The following DDX1 variants were observed in gnomAD, a reference collection of about 807,000 sequenced individuals.
DDX1 encodes the protein DEAD-box helicase 1.
In DDX1, 28 loss-of-function variants were observed where a neutral mutation model predicts 108.7. The observed-to-expected ratio is 0.26, with a 90% CI of 0.19 to 0.35. The LOEUF (loss-of-function observed/expected upper bound fraction) is 0.35, where lower values mean the gene tolerates loss of function less well. Ranked by LOEUF, DDX1 falls within the 10% of genes least tolerant of loss-of-function variation. The pLI is 1.00. For synonymous variants in DDX1, 295 were observed against 288.9 expected, an observed-to-expected ratio of 1.02 and a Z score of -0.21; for missense variants, 710 against 884.5, an observed-to-expected ratio of 0.80 and a Z score of 2.50.
chr2:15,625,816 A>G (rs563894553), intron 19 of DDX1, among the ~76,000 whole-genome samples: 2 of 152,272 alleles, frequency 1.3e-5, no homozygotes, highest in East Asian at 3.9e-4. Flanking sequence ...AAACTCAAGA[A>G]GGATATAGAA....
At chr2:15,603,940 A>G in intron 9 of DDX1, 50 bp downstream of exon 9, 1 of 1,196,964 alleles carries the variant, frequency 8.4e-7, no homozygotes, top group Non-Finnish European at 1.2e-6. Flanking sequence ...GTTTTCTTGC[A>G]TACTTAATCA....
At chr2:15,594,882 G>A (rs866099285) in intron 1 of DDX1, among the ~76,000 whole-genome samples, 3 of 152,144 alleles carry the variant, frequency 2.0e-5, no homozygotes, top group African/African-American at 4.8e-5. Context: ...GCCCTGCAAG[G>A]TAGGCAATAT....
At chr2:15,612,487 A>T (rs1288763471) in intron 13 of DDX1, among the ~76,000 whole-genome samples, 11 of 136,680 alleles carry the variant, frequency 8.0e-5, no homozygotes, top group Admixed American at 2.2e-4. Flanking sequence ...CCTAGATGGG[A>T]TGGCGGCCGG....
intron 19 of DDX1, among the ~76,000 whole-genome samples, chr2:15,624,458 C>G (rs1269072903): frequency 6.6e-6 from 1 of 152,266 alleles, no homozygotes; most frequent in Non-Finnish European, 1.5e-5. Flanking sequence ...ACTCACAGTT[C>G]TTCAGAGCTG....
intron 5 of DDX1, among the ~76,000 whole-genome samples, 175 bp from the exon 6 acceptor site, chr2:15,599,494 G>A (rs1345079167): frequency 6.6e-6 from 1 of 150,900 alleles, no homozygotes; most frequent in Non-Finnish European, 1.5e-5. Flanking sequence ...TTTTTTTTTA[G>A]TAGAGATGAG....
At position 15,623,483 on chromosome 2, in the gene DDX1, C is replaced by T. The variant is rs780158807; in HGVS notation, c.1495C>T (p.Arg499Trp). ...AATCCTGAAAGGGGAGTATGCTGTC[C>T]GGGCAATCAAGGAACATAAGATGGA... is the stretch of plus-strand genomic sequence containing the variant. ...IKILKGEYAV[R>W]AIKEHKMDQA... The change falls in exon 19 of 26, where the codon CGG (arginine) becomes TGG (tryptophan). Residue 499 changes from arginine (R) to tryptophan (W), a missense_variant. Transcript: ENST00000233084. 10 of 1,613,330 alleles carry T rather than the reference C, an allele frequency of 6.2e-6. No homozygotes were observed. Among genetic ancestry groups the T allele is most frequent in the Middle Eastern group, 1.7e-4 (1 of 6,056 alleles).
chr2:15,618,244 G>A lies in DDX1; in HGVS notation c.1180G>A (p.Val394Ile). ...INRMHNQIPQ[V>I]TSDGKRLQVI... Reference sequence around the variant, plus strand: ...TAGGATGCACAATCAGATTCCTCAGGTTACCTCTGATGGAAAAAGACTTCA... The same window carrying A: ...TAGGATGCACAATCAGATTCCTCAGATTACCTCTGATGGAAAAAGACTTCA... The change falls in exon 16 of 26, where the codon GTT (valine) becomes ATT (isoleucine). Residue 394 changes from valine to isoleucine, a missense_variant. By Grantham distance (29) the Val-to-Ile change is conservative. Coordinates refer to ENST00000233084, the MANE Select transcript of DDX1 (RefSeq NM_004939.3). 6.3e-7 allele frequency: 1 copy of A among 1,585,508 alleles called. No homozygotes were observed. The highest frequency in any genetic ancestry group is 8.6e-7 in the Non-Finnish European group (1 of 1,158,934).
chr2:15,613,158 A>G, intron 13 of DDX1, 66 bp from the exon 14 acceptor site: 1 of 1,112,180 alleles, frequency 9.0e-7, no homozygotes, highest in Non-Finnish European at 1.3e-6. Context: ...ATGGATGCAG[A>G]TCAAACAATG....
chr2:15,624,241 A>G (rs935164329), intron 19 of DDX1, among the ~76,000 whole-genome samples: 2 of 152,210 alleles, frequency 1.3e-5, no homozygotes, highest in Non-Finnish European at 2.9e-5. Flanking sequence ...AGCTATATTA[A>G]TAAGAGTTGC....
chr2:15,601,643 T>A (rs995209775), intron 6 of DDX1, among the ~76,000 whole-genome samples: 7 of 152,216 alleles, frequency 4.6e-5, no homozygotes, highest in Non-Finnish European at 1.0e-4. Context: ...GGAACCGTCA[T>A]GTGTTCAGCT....
At chr2:15,614,867 C>T (rs538025767) in intron 14 of DDX1, among the ~76,000 whole-genome samples, 1 of 152,192 alleles carries the variant, frequency 6.6e-6, no homozygotes, top group African/African-American at 2.4e-5. Flanking sequence ...AATCTTGCTT[C>T]CTCAAACCCA....
At chr2:15,611,419 G>C (rs1254910192) in intron 13 of DDX1, among the ~76,000 whole-genome samples, 1 of 149,848 alleles carries the variant, frequency 6.7e-6, no homozygotes, top group East Asian at 2.0e-4. Context: ...CAGACGGGGT[G>C]GTGGCCGGGC....
intron 17 of DDX1, 114 bp downstream of exon 17, chr2:15,620,510 C>A: frequency 1.3e-6 from 1 of 747,760 alleles, no homozygotes; most frequent in Non-Finnish European, 2.1e-6. Context: ...AAGAAAAGTC[C>A]AATACATCGT....
chr2:15,615,057 G>A (rs1665870911), intron 14 of DDX1, among the ~76,000 whole-genome samples: 1 of 152,136 alleles, frequency 6.6e-6, no homozygotes, highest in Non-Finnish European at 1.5e-5. Flanking sequence ...CTACTTCTTA[G>A]GGGATCTAAT....
intron 13 of DDX1, among the ~76,000 whole-genome samples, chr2:15,612,115 G>A (rs1299259281): frequency 1.4e-5 from 2 of 145,644 alleles, no homozygotes; most frequent in African/African-American, 2.6e-5. Context: ...CCTCCCGGAC[G>A]GGGCGGCTGG....
Position 15,601,378 on chromosome 2 carries a change from A to G in DDX1, c.308-1170A>G, listed in dbSNP as rs146641176. Among the ~76,000 whole-genome samples the G allele has an allele frequency of 6.0e-3, 921 of 152,306 alleles. 5 individuals carry two copies. Among genetic ancestry groups the G allele is most frequent in the Non-Finnish European group, 1.0e-2 (677 of 68,020 alleles). ...TCATATCCCACAGGTTGAGGGTTCA[A>G]TCACACAAGACTGTCCCCCACATCT... On this transcript the variant is annotated intron_variant, in intron 6 of 25. Transcript: ENST00000233084.
intron 7 of DDX1, among the ~76,000 whole-genome samples, 195 bp from the exon 8 acceptor site, chr2:15,602,997 C>T (rs926774755): frequency 5.3e-5 from 8 of 152,188 alleles, no homozygotes; most frequent in Non-Finnish European, 8.8e-5. Context: ...AGGCGTGAGC[C>T]ACTATGCCTG....
intron 19 of DDX1, among the ~76,000 whole-genome samples, chr2:15,625,190 G>T (rs908478680): frequency 1.3e-5 from 2 of 151,888 alleles, no homozygotes; most frequent in African/African-American, 2.4e-5. Context: ...TATGCCAAAT[G>T]AAAGAATTCT....
In DDX1 at chr2:15,611,473, T is replaced by C. The variant is rs868570402; in HGVS notation, c.957-1751T>C. The stretch of plus-strand genomic sequence containing the variant: ...CCAGTAGGGACGGCCGGGCAGAGGC[T>C]CCCCCCACCTCCCGGACGGGGCGGC... On this transcript the variant is annotated intron_variant, in intron 13 of 25. Coordinates refer to ENST00000233084, the MANE Select transcript of DDX1 (RefSeq NM_004939.3). Among the ~76,000 whole-genome samples, 154 of 125,528 alleles carry C rather than the reference T, an allele frequency of 1.2e-3. 1 individual carries two copies. Among genetic ancestry groups the C allele is most frequent in the African/African-American group, 4.6e-3 (146 of 31,452 alleles). 82.4% of individuals were successfully genotyped at this position (125,528 alleles called of 152,430 possible). A position where few individuals can be genotyped will look rare whatever the true frequency, so the allele number is the denominator to read the frequency against.
Sources: allele counts gnomAD v4.1 joint callset (sites outside exome capture counted in the v4.1 genomes callset), GRCh38; gene constraint gnomAD v4.1.1; transcripts MANE v1.5; gene names NCBI Gene and HGNC (gene_info 2026-07-23, HGNC 2026-07-21).